Variants in FGF12 observed in about 807,000 individuals in gnomAD.
FGF12 encodes the protein fibroblast growth factor 12, also known as fibroblast growth factor 12B.
A neutral mutation model predicts 23.6 loss-of-function variants in FGF12; 14 were observed. That is an observed-to-expected ratio of 0.59 (90% CI 0.39 to 0.93). The LOEUF is 0.93. Among genes scored for constraint, FGF12 ranks in the 40% least tolerant of loss-of-function variants. The pLI, the probability that FGF12 is intolerant of heterozygous loss-of-function variation, is 0.00. For missense variants in FGF12, 175 were observed against 217.8 expected (o/e 0.80, Z 1.24); for synonymous variants, 62 against 77.3 (o/e 0.80, Z 1.04).
intron 2 of FGF12, among the ~76,000 whole-genome samples, chr3:192,570,243 A>G (rs576613954): frequency 1.6e-4 from 24 of 152,284 alleles, no homozygotes; most frequent in African/African-American, 5.8e-4. Context: ...GGGGAGGGCC[A>G]TAGGTGGTTT....
intron 2 of FGF12, among the ~76,000 whole-genome samples, chr3:192,370,492 A>G (rs1050317370): frequency 3.3e-5 from 5 of 152,156 alleles, no homozygotes; most frequent in African/African-American, 9.7e-5. Flanking sequence ...GCAGTGAGCT[A>G]TGATTGCATC....
intron 2 of FGF12, among the ~76,000 whole-genome samples, chr3:192,382,511 G>A (rs1312185040): frequency 6.6e-6 from 1 of 151,768 alleles, no homozygotes; most frequent in African/African-American, 2.4e-5. Context: ...TCTTAGTGTG[G>A]TCTTCTCTAT....
chr3:192,669,602 T>TAAAAAAAAAAAAAA (rs59897483), intron 2 of FGF12, among the ~76,000 whole-genome samples: 6 of 59,528 alleles, frequency 1.0e-4, no homozygotes, highest in Non-Finnish European at 1.3e-4. Context: ...GACTCTGTCT[T>TAAAAAAAAAAAAAA]AAAAAAAAAA....
chr3:192,479,949 G>A (rs1026714173), intron 2 of FGF12, among the ~76,000 whole-genome samples: 1 of 151,998 alleles, frequency 6.6e-6, no homozygotes, highest in Non-Finnish European at 1.5e-5. Flanking sequence ...ACAGATATGG[G>A]CCAGCCTGGG....
At chr3:192,329,524 T>C (rs1296484199) in intron 4 of FGF12, among the ~76,000 whole-genome samples, 1 of 152,172 alleles carries the variant, frequency 6.6e-6, no homozygotes, top group Admixed American at 6.6e-5. Context: ...TTATACAAGG[T>C]TCAGTTCAAA....
chr3:192,194,664 TGATAG>T (rs1716970907), intron 4 of FGF12, among the ~76,000 whole-genome samples: 1 of 152,180 alleles, frequency 6.6e-6, no homozygotes, highest in Non-Finnish European at 1.5e-5. Context: ...AAGTTTTTCC[TGATAG>T]GATACTCATA....
At chr3:192,227,512 A>G (rs1263194793) in intron 4 of FGF12, among the ~76,000 whole-genome samples, 1 of 151,818 alleles carries the variant, frequency 6.6e-6, no homozygotes, top group East Asian at 1.9e-4. Context: ...AGCAATGTTT[A>G]ACCAGGGAAA....
At chr3:192,205,476 G>A (rs1383420615) in intron 4 of FGF12, among the ~76,000 whole-genome samples, 1 of 152,144 alleles carries the variant, frequency 6.6e-6, no homozygotes, top group Non-Finnish European at 1.5e-5. Context: ...GATTAGTTAG[G>A]GGAAGGGAGA....
At chr3:192,230,623 A>G (rs1212935081) in intron 4 of FGF12, among the ~76,000 whole-genome samples, 1 of 152,194 alleles carries the variant, frequency 6.6e-6, no homozygotes, top group African/African-American at 2.4e-5. Context: ...ATAGAAAAAA[A>G]CCAAAAGGTT....
At chr3:192,317,714 C>T (rs1212764269) in intron 4 of FGF12, among the ~76,000 whole-genome samples, 2 of 152,108 alleles carry the variant, frequency 1.3e-5, no homozygotes, top group African/African-American at 4.8e-5. Context: ...GATTACAGAG[C>T]CCTTGGGCCT....
intron 2 of FGF12, among the ~76,000 whole-genome samples, chr3:192,674,333 G>T (rs1717245473): frequency 6.6e-6 from 1 of 152,164 alleles, no homozygotes; most frequent in Admixed American, 6.5e-5. Flanking sequence ...CACATATTTA[G>T]AAACTATACA....
chr3:192,387,040 A>G (rs1258917936), intron 2 of FGF12, among the ~76,000 whole-genome samples: 2 of 152,236 alleles, frequency 1.3e-5, no homozygotes, highest in Admixed American at 6.5e-5. Context: ...GAACAAAAAA[A>G]GGGGCAATTG....
chr3:192,436,886 G>A (rs1722043478), intron 2 of FGF12, among the ~76,000 whole-genome samples: 1 of 152,136 alleles, frequency 6.6e-6, no homozygotes, highest in African/African-American at 2.4e-5. Flanking sequence ...GAACACAAAG[G>A]TGGGAAGATA....
At chr3:192,251,929 T>C (rs907360307) in intron 4 of FGF12, among the ~76,000 whole-genome samples, 3 of 152,160 alleles carry the variant, frequency 2.0e-5, no homozygotes, top group Admixed American at 6.5e-5. Flanking sequence ...GCTTTACACA[T>C]TAGATTTGAG....
intron 4 of FGF12, among the ~76,000 whole-genome samples, chr3:192,332,043 A>G (rs1232622773): frequency 6.6e-6 from 1 of 152,168 alleles, no homozygotes; most frequent in Non-Finnish European, 1.5e-5. Context: ...ACCAAATTTG[A>G]TATACACACA....
At chr3:192,537,212 A>C (rs1212863531) in intron 2 of FGF12, among the ~76,000 whole-genome samples, 1 of 152,148 alleles carries the variant, frequency 6.6e-6, no homozygotes, top group African/African-American at 2.4e-5. Flanking sequence ...GTTGGTGGAC[A>C]TTTCAGTTGC....
chr3:192,519,676 GCA>G (rs1422107050), intron 2 of FGF12, among the ~76,000 whole-genome samples: 1 of 152,156 alleles, frequency 6.6e-6, no homozygotes, highest in Non-Finnish European at 1.5e-5. Flanking sequence ...TTATTAATGT[GCA>G]GTTTGCCCGG....
intron 2 of FGF12, among the ~76,000 whole-genome samples, chr3:192,663,651 T>C (rs944685511): frequency 1.3e-5 from 2 of 152,210 alleles, no homozygotes; most frequent in Admixed American, 1.3e-4. Context: ...ATTATTATTA[T>C]CATTAAACAT....
intron 2 of FGF12, among the ~76,000 whole-genome samples, chr3:192,676,422 T>A (rs1717329336): frequency 6.6e-6 from 1 of 152,222 alleles, no homozygotes; most frequent in South Asian, 2.1e-4. Context: ...TGCAAATTAG[T>A]GGTAGAGCTG....
Sources: allele counts gnomAD v4.1 joint callset (sites outside exome capture counted in the v4.1 genomes callset), GRCh38; gene constraint gnomAD v4.1.1; transcripts MANE v1.5; gene names NCBI Gene and HGNC (gene_info 2026-07-23, HGNC 2026-07-21).